Variants in SYNE2 observed in about 807,000 individuals in gnomAD.
SYNE2 encodes the protein nesprin-2.
A neutral mutation model predicts 856.3 loss-of-function variants in SYNE2; 431 were observed. That is an observed-to-expected ratio of 0.50 (90% confidence interval 0.47 to 0.55). The LOEUF (loss-of-function observed/expected upper bound fraction) is 0.55. Among genes scored for constraint, SYNE2 ranks in the 20% least tolerant of loss-of-function variants. The pLI is 0.00. For missense variants in SYNE2, 8,129 were observed against 8,023.2 expected (o/e 1.01, Z -0.50); for synonymous variants, 2,923 against 2,872.3 (o/e 1.02, Z -0.56).
chr14:64,143,794 A>G lies in SYNE2; in HGVS notation c.15329A>G (p.Tyr5110Cys), dbSNP rs777643257. 1 of 1,614,230 alleles carries G rather than the reference A, an allele frequency of 6.2e-7. No individual in the cohort carries two copies. The highest frequency in any genetic ancestry group is 8.5e-7 in the Non-Finnish European group (1 of 1,180,020). ...TAGGAGTTTAGAATGGAAATGGACTATAAACAGTGGATAGTTGACTTCGTT... is the reference window on the plus strand; with the variant it reads ...TAGGAGTTTAGAATGGAAATGGACTGTAAACAGTGGATAGTTGACTTCGTT... ...KHKEFRMEMD[Y>C]KQWIVDFVNQ... Residue 5110 changes from tyrosine (Y) to cysteine (C), a missense_variant, in exon 83 of 116, where the codon TAT becomes TGT. Physicochemically the swap from Tyr to Cys is radical, Grantham distance 194 (BLOSUM62 -2). This residue lies in a region of SYNE2 where 5,410 missense variants were observed against 5,284.8 expected (regional missense o/e 1.02). Transcript: ENST00000555002.
At chr14:63,963,833 A>G (rs914060993) in intron 9 of SYNE2, 66 bp from the exon 10 acceptor site, 23 of 1,075,004 alleles carry the variant, frequency 2.1e-5, no homozygotes, top group Admixed American at 1.1e-4. Context: ...TCAAGTTGCT[A>G]ATTTTTTTGT....
intron 70 of SYNE2, among the ~76,000 whole-genome samples, chr14:64,123,920 C>T (rs1409470954): frequency 6.7e-6 from 1 of 149,442 alleles, no homozygotes; most frequent in Non-Finnish European, 1.5e-5. Context: ...GAGACAGGGT[C>T]TCAGCTAGGT....
chr14:64,068,001 A>G (rs1165539259), intron 51 of SYNE2, among the ~76,000 whole-genome samples: 2 of 152,080 alleles, frequency 1.3e-5, no homozygotes, highest in African/African-American at 4.8e-5. Context: ...CCCTCTCTAG[A>G]CCGGACTTTA....
intron 108 of SYNE2, among the ~76,000 whole-genome samples, chr14:64,217,137 A>G (rs760402712): frequency 1.3e-5 from 2 of 152,226 alleles, no homozygotes; most frequent in Admixed American, 6.5e-5. Context: ...ATCCATTGCC[A>G]TGGTACCTGA....
rs1400163291 is a variant in SYNE2, at chr14:64,177,306, A to G, written c.17431-52A>G. 5.6e-6 allele frequency: 9 copies of G among 1,608,658 alleles called. No homozygotes were observed. In the Admixed American group the frequency reaches 1.0e-4, roughly 18 times the overall value. On this transcript the variant is annotated intron_variant, in intron 95 of 115. Transcript: ENST00000555002. ...TTAAATGAGCTATTCTATTTCTACA[A>G]TTCATTCTAAAGAGCAAAATACTTA...
intron 1 of SYNE2, among the ~76,000 whole-genome samples, chr14:63,798,387 T>G (rs1217571616): frequency 6.6e-6 from 1 of 151,888 alleles, no homozygotes; most frequent in Non-Finnish European, 1.5e-5. Flanking sequence ...TTAACTTGTT[T>G]TTTTTTTTTT....
rs115483721 is a variant in SYNE2 at position 64,189,049 on chromosome 14, C to T, written c.17871+341C>T. ...CTCTAGTTGTTATTAAGAAGCTCCC[C>T]TTGGCCTGGCGTGGTGGCTCATTGC... On this transcript the variant is annotated intron_variant, in intron 98 of 115. Coordinates refer to ENST00000555002, the MANE Select transcript of SYNE2 (RefSeq NM_182914.3). The T allele has an allele frequency of 2.7e-3, 1,878 of 697,482 alleles. 37 individuals are homozygous for T. In the African/African-American group the frequency reaches 0.028, roughly 10 times the overall value. The allele number at this position is 697,482 out of a possible 1,614,324, so 43.2% of individuals were successfully genotyped here. A position where few individuals can be genotyped will look rare whatever the true frequency, so the allele number is the denominator to read the frequency against.
Position 64,141,194 on chromosome 14 carries a change from A to T in SYNE2, c.14977-147A>T, listed in dbSNP as rs542065580. The T allele has an allele frequency of 1.5e-5, 10 of 658,684 alleles. No individual in the cohort carries two copies. The East Asian group carries it at 2.5e-4, about 17-fold the overall frequency. 40.8% of individuals were successfully genotyped at this position (658,684 alleles called of 1,614,324 possible). A position where few individuals can be genotyped will look rare whatever the true frequency, so the allele number is the denominator to read the frequency against. On this transcript the variant is annotated intron_variant, in intron 80 of 115. Transcript: ENST00000555002. ...TTCCCCATCGTGTATGTAATGCCCA[A>T]CAGTAGGAAAAAGGGGTGTGTGTGT... is the stretch of plus-strand genomic sequence containing the variant.
chr14:64,141,226 G>GTATA (rs199837638), intron 80 of SYNE2, 115 bp from the exon 81 acceptor site: 7 of 773,956 alleles, frequency 9.0e-6, no homozygotes, highest in Non-Finnish European at 1.5e-5. Flanking sequence ...GTGTGTGTGT[G>GTATA]TATACACATT....
At chr14:63,858,314 G>A (rs1892482980) in intron 1 of SYNE2, among the ~76,000 whole-genome samples, 1 of 119,526 alleles carries the variant, frequency 8.4e-6, no homozygotes, top group African/African-American at 3.1e-5. Flanking sequence ...TAGAGACAGG[G>A]TTTCACTGTG....
chr14:64,217,103 C>T (rs538977638), intron 108 of SYNE2, among the ~76,000 whole-genome samples: 19 of 152,286 alleles, frequency 1.2e-4, no homozygotes, highest in South Asian at 1.0e-3. Flanking sequence ...GCAGTGGACA[C>T]GGATTTGATT....
chr14:64,166,115 ACT>A (rs1477125559), intron 90 of SYNE2, among the ~76,000 whole-genome samples: 5 of 152,150 alleles, frequency 3.3e-5, no homozygotes, highest in African/African-American at 1.2e-4. Context: ...TGGTCTTGTA[ACT>A]CTCCTAGGAA....
At chr14:64,140,225 T>A in intron 80 of SYNE2, 152 bp downstream of exon 80, 4 of 698,128 alleles carry the variant, frequency 5.7e-6, no homozygotes, top group South Asian at 1.7e-5. Flanking sequence ...AACCTAGAAC[T>A]GTTTATACTG....
chr14:63,762,040 G>T, intron 1 of SYNE2: 1 of 500,438 alleles, frequency 2.0e-6, no homozygotes, highest in South Asian at 1.5e-5. Flanking sequence ...AGTCGTTCTT[G>T]ACTCAGGAGG....
At chr14:64,090,237 A>T (rs966683501) in intron 59 of SYNE2, among the ~76,000 whole-genome samples, 3 of 152,076 alleles carry the variant, frequency 2.0e-5, no homozygotes, top group Non-Finnish European at 4.4e-5. Context: ...GGATCTTCTA[A>T]CTTCTGTGAG....
At chr14:64,090,215 C>T (rs1215970537) in intron 59 of SYNE2, among the ~76,000 whole-genome samples, 2 of 152,152 alleles carry the variant, frequency 1.3e-5, no homozygotes, top group Non-Finnish European at 2.9e-5. Context: ...CTCTTACAGA[C>T]TAAGCTTACC....
intron 8 of SYNE2, among the ~76,000 whole-genome samples, chr14:63,957,045 T>C (rs1327097611): frequency 6.6e-6 from 1 of 152,062 alleles, no homozygotes; most frequent in Non-Finnish European, 1.5e-5. Context: ...ATGGTCTTTG[T>C]GACTGGCTTC....
At chr14:64,095,860 A>T (rs2097672474) in intron 61 of SYNE2, among the ~76,000 whole-genome samples, 1 of 152,228 alleles carries the variant, frequency 6.6e-6, no homozygotes, top group African/African-American at 2.4e-5. Context: ...ACACAGCAGT[A>T]TCGGGAGGTG....
chr14:63,950,438 C>T (rs553950159), intron 7 of SYNE2, among the ~76,000 whole-genome samples: 5 of 152,112 alleles, frequency 3.3e-5, no homozygotes, highest in Admixed American at 2.6e-4. Context: ...GCCTGTAATC[C>T]CAGCTACTTG....
Sources: allele counts gnomAD v4.1 joint callset (sites outside exome capture counted in the v4.1 genomes callset), GRCh38; gene constraint gnomAD v4.1.1; regional missense constraint gnomAD v4.1.1; transcripts MANE v1.5; gene names NCBI Gene and HGNC (gene_info 2026-07-23, HGNC 2026-07-21).